The following UBE2D1 variants were observed in gnomAD, a reference collection of about 807,000 sequenced individuals.
The protein encoded by UBE2D1 is ubiquitin-conjugating enzyme E2 D1.
In UBE2D1, 9 loss-of-function variants were observed where a neutral mutation model predicts 24.6. The observed-to-expected ratio is 0.37, with a 90% confidence interval of 0.22 to 0.64. The LOEUF is 0.64. Ranked by LOEUF, UBE2D1 falls within the 30% of genes least tolerant of loss-of-function variation. UBE2D1 has a pLI of 0.64. For synonymous variants in UBE2D1, 57 were observed against 57.6 expected, an observed-to-expected ratio of 0.99 and a Z score of 0.04; for missense variants, 87 against 177.1, an observed-to-expected ratio of 0.49 and a Z score of 2.89.
At chr10:58,345,105 T>C (rs1588997633) in intron 1 of UBE2D1, among the ~76,000 whole-genome samples, 1 of 152,118 alleles carries the variant, frequency 6.6e-6, no homozygotes. Flanking sequence ...CTTCAAGTGA[T>C]CCACCCGCCT....
chr10:58,342,181 A>G (rs1286120955), intron 1 of UBE2D1, among the ~76,000 whole-genome samples: 1 of 152,206 alleles, frequency 6.6e-6, no homozygotes, highest in Non-Finnish European at 1.5e-5. Flanking sequence ...GGAAGCTGCT[A>G]TCTAGAAGCA....
At chr10:58,364,928 A>T in intron 5 of UBE2D1, 52 bp downstream of exon 5, 1 of 1,381,988 alleles carries the variant, frequency 7.2e-7, no homozygotes, top group Non-Finnish European at 1.0e-6. Flanking sequence ...GACAGGAAAA[A>T]TACAGCAGAA....
chr10:58,352,693 T>G (rs1044495697), intron 1 of UBE2D1, among the ~76,000 whole-genome samples: 3 of 152,190 alleles, frequency 2.0e-5, no homozygotes, highest in Non-Finnish European at 2.9e-5. Context: ...GGAAGTAAAC[T>G]CTGAGGCAAT....
At chr10:58,358,275 C>G (rs1314040892) in intron 1 of UBE2D1, among the ~76,000 whole-genome samples, 1 of 152,064 alleles carries the variant, frequency 6.6e-6, no homozygotes, top group Non-Finnish European at 1.5e-5. Flanking sequence ...TTCTGATTAA[C>G]TAGTTTGCTA....
intron 2 of UBE2D1, 28 bp from the exon 3 acceptor site, chr10:58,361,467 G>T: frequency 6.2e-7 from 1 of 1,614,096 alleles, no homozygotes; most frequent in Non-Finnish European, 8.5e-7. Context: ...ATTTGTTAAT[G>T]ACTCCAAAAC....
rs1323827130 is a variant in UBE2D1, at chr10:58,368,849, C to G, written c.*84C>G. The G allele has an allele frequency of 1.1e-6, 1 of 885,500 alleles. No individual in the cohort carries two copies. The highest frequency in any genetic ancestry group is 1.7e-5 in the African/African-American group (1 of 57,568). The allele number at this position is 885,500 out of a possible 1,614,324, so 54.9% of individuals were successfully genotyped here. On this transcript the variant is annotated 3_prime_UTR_variant, in exon 7 of 7. Coordinates refer to ENST00000373910, the MANE Select transcript of UBE2D1 (RefSeq NM_003338.5). ...TTAGCAGTAAATTGAGCACTGTTTA[C>G]TGTTTCATTGTACCATGAAACCATT...
intron 1 of UBE2D1, among the ~76,000 whole-genome samples, chr10:58,339,264 C>T (rs1228260098): frequency 6.6e-6 from 1 of 152,140 alleles, no homozygotes; most frequent in Admixed American, 6.6e-5. Context: ...CATCACCACA[C>T]CTGGCTAATT....
chr10:58,342,272 C>G (rs986977521), intron 1 of UBE2D1, among the ~76,000 whole-genome samples: 23 of 152,050 alleles, frequency 1.5e-4, no homozygotes, highest in Non-Finnish European at 1.5e-4. Flanking sequence ...TCCCACTGTC[C>G]TCTATTCATA....
In UBE2D1 at chr10:58,370,660, A is replaced by AAAC. The variant is rs1840305941; in HGVS notation, c.*1898_*1900dup. ...TTTGTTTCTTGAATATCTTCACTTT[A>AAAC]AACAAAAAAAAAAAACAACTTTCAT... On this transcript the variant is annotated 3_prime_UTR_variant, in exon 7 of 7. Transcript: ENST00000373910. The AAAC allele has an allele frequency of 9.3e-6, 1 of 107,438 alleles. No individual in the cohort carries two copies. The highest frequency in any genetic ancestry group is 1.9e-5 in the Non-Finnish European group (1 of 52,262). 6.7% of individuals were successfully genotyped at this position (107,438 alleles called of 1,614,324 possible).
chr10:58,370,673 AAAC>A lies in UBE2D1; in HGVS notation c.*1912_*1914del, dbSNP rs1435053582. 6.6e-6 allele frequency: 1 copy of A among 152,448 alleles called. No homozygotes were observed. The highest frequency in any genetic ancestry group is 2.4e-5 in the African/African-American group (1 of 41,394). The allele number at this position is 152,448 out of a possible 1,614,324, so 9.4% of individuals were successfully genotyped here. The stretch of plus-strand genomic sequence containing the variant: ...TATCTTCACTTTAAACAAAAAAAAA[AAAC>A]AACTTTCATTTGTGTGGCATTTATT... On this transcript the variant is annotated 3_prime_UTR_variant, in exon 7 of 7. Coordinates refer to ENST00000373910, the MANE Select transcript of UBE2D1 (RefSeq NM_003338.5).
intron 1 of UBE2D1, among the ~76,000 whole-genome samples, chr10:58,339,646 AGAT>A (rs1039776117): frequency 7.2e-5 from 11 of 152,146 alleles, no homozygotes; most frequent in African/African-American, 2.7e-4. Context: ...TCCATTTTAC[AGAT>A]GATGATACTA....
chr10:58,335,308 C>G (rs1839890123), intron 1 of UBE2D1, 83 bp downstream of exon 1: 1 of 1,390,812 alleles, frequency 7.2e-7, no homozygotes, highest in Non-Finnish European at 9.5e-7. Context: ...GAGAGACATG[C>G]GGGGAGAGCA....
At chr10:58,335,369 C>A (rs921261954) in intron 1 of UBE2D1, 144 bp downstream of exon 1, 4 of 1,020,556 alleles carry the variant, frequency 3.9e-6, no homozygotes, top group Admixed American at 6.8e-5. Flanking sequence ...AGGCTCGGGC[C>A]GGGCCAGCGG....
chr10:58,351,403 C>T (rs527918953), intron 1 of UBE2D1, among the ~76,000 whole-genome samples: 1 of 151,804 alleles, frequency 6.6e-6, no homozygotes, highest in East Asian at 1.9e-4. Context: ...TAATTTTTTT[C>T]ACATTTTTTT....
In UBE2D1 at chr10:58,360,913, T is replaced by A. The variant is rs536371983; in HGVS notation, c.25-425T>A. The A allele has an allele frequency of 6.7e-6, 3 of 446,352 alleles. No individual in the cohort carries two copies. In the Admixed American group the frequency reaches 7.4e-5, roughly 11 times the overall value. 27.6% of individuals were successfully genotyped at this position (446,352 alleles called of 1,614,324 possible). ...CTCCATCCTGGGCGACAAAGTGAGA[T>A]CCTGTCTCAAAAAAAAAAAAAAAGT... On this transcript the variant is annotated intron_variant, in intron 1 of 6. Coordinates refer to ENST00000373910, the MANE Select transcript of UBE2D1 (RefSeq NM_003338.5).
At chr10:58,357,973 T>G (rs964424911) in intron 1 of UBE2D1, among the ~76,000 whole-genome samples, 1 of 152,166 alleles carries the variant, frequency 6.6e-6, no homozygotes, top group Middle Eastern at 3.4e-3. Flanking sequence ...TAGCCCTAAC[T>G]TCTAACAGAG....
At position 58,335,080 on chromosome 10, in the gene UBE2D1, A is replaced by G; in HGVS notation, c.-122A>G. ...GCCCGGAGCGAGCCAGGGAGCGGCT[A>G]ACCGGGGACCCACCGCGCGGAGCCA... On this transcript the variant is annotated 5_prime_UTR_variant, in exon 1 of 7. Coordinates refer to ENST00000373910, the MANE Select transcript of UBE2D1 (RefSeq NM_003338.5). 1 of 1,076,978 alleles carries G rather than the reference A, an allele frequency of 9.3e-7. No homozygotes were observed. Among genetic ancestry groups the G allele is most frequent in the Non-Finnish European group, 1.3e-6 (1 of 744,330 alleles). 66.7% of individuals were successfully genotyped at this position (1,076,978 alleles called of 1,614,324 possible).
In UBE2D1 at chr10:58,338,707, T is replaced by C. The variant is rs373072813; in HGVS notation, c.24+3482T>C. On this transcript the variant is annotated intron_variant, in intron 1 of 6. Coordinates refer to ENST00000373910, the MANE Select transcript of UBE2D1 (RefSeq NM_003338.5). ...AATCCTAAAACAGTCATTGTCATCA[T>C]CATAGATTTTATTTGATAAAGAATT... Among the ~76,000 whole-genome samples the C allele has an allele frequency of 5.3e-5, 8 of 152,340 alleles. No individual in the cohort carries two copies. In the East Asian group the frequency reaches 1.2e-3, roughly 22 times the overall value.
intron 1 of UBE2D1, among the ~76,000 whole-genome samples, chr10:58,335,450 G>C (rs1296841780): frequency 1.3e-5 from 2 of 152,214 alleles, no homozygotes; most frequent in Non-Finnish European, 2.9e-5. Flanking sequence ...CTGGGGGCCC[G>C]CGCGCGTTCG....
Sources: gnomAD v4.1 joint callset for allele counts (sites outside exome capture counted in the v4.1 genomes callset) on GRCh38, gnomAD v4.1.1 for gene constraint, MANE v1.5 for transcripts, NCBI Gene and HGNC (gene_info 2026-07-23, HGNC 2026-07-21) for gene names.